The following NBPF3 variants were observed in gnomAD, a reference collection of about 807,000 sequenced individuals.
The protein encoded by NBPF3 is NBPF member 3, also known as NBPF family member NBPF3.
A neutral mutation model predicts 78.1 loss-of-function variants in NBPF3; 57 were observed. The observed-to-expected ratio is 0.73, with a 90% confidence interval of 0.59 to 0.91. NBPF3 has a LOEUF of 0.91. NBPF3 is among the 40% of genes least tolerant of loss of function. The pLI is 0.00. For missense variants in NBPF3, 510 were observed against 715.3 expected (o/e 0.71, Z 3.27); for synonymous variants, 182 against 271.7 (o/e 0.67, Z 3.25).
chr1:21,445,067 T>C lies in NBPF3; in HGVS notation c.-20T>C. ...TATCTGGAGCTTCAGTGCTGTGTGCTCTTGGCCTCCACACTGGGGATGCCA... is the reference window on the plus strand; with the variant it reads ...TATCTGGAGCTTCAGTGCTGTGTGCCCTTGGCCTCCACACTGGGGATGCCA... On this transcript the variant is annotated 5_prime_UTR_variant, in exon 2 of 15. Transcript: ENST00000318249. 1 of 1,608,504 alleles carries C rather than the reference T, an allele frequency of 6.2e-7. No individual in the cohort carries two copies. The highest frequency in any genetic ancestry group is 8.5e-7 in the Non-Finnish European group (1 of 1,177,534).
At chr1:21,450,737 C>G (rs1641260677) in intron 2 of NBPF3, among the ~76,000 whole-genome samples, 1 of 39,608 alleles carries the variant, frequency 2.5e-5, no homozygotes, top group Non-Finnish European at 1.6e-4. Context: ...CTAAAACATC[C>G]ACACCAGGTG....
At chr1:21,464,337 T>C (rs1345856004) in intron 2 of NBPF3, among the ~76,000 whole-genome samples, 1 of 152,056 alleles carries the variant, frequency 6.6e-6, no homozygotes, top group African/African-American at 2.4e-5. Context: ...TTGAGAACAA[T>C]ATTCTAAGAA....
Position 21,470,699 on chromosome 1 carries a change from G to C in NBPF3, c.411G>C (p.Lys137Asn), listed in dbSNP as rs2147987411. ...LRDERLLTEE[K>N]LAEELGQAEE... ...ATGAGCGGCTGCTCACAGAAGAGAA[G>C]CTTGCAGAGGAGCTCGGGCAAGCTG... Residue 137 changes from lysine (K) to asparagine (N), a missense_variant, in exon 4 of 15, where the codon AAG becomes AAC. Around this residue, in one of 5 missense-constraint regions of NBPF3, gnomAD observed 440 missense variants for 478.2 expected, o/e 0.92. Transcript: ENST00000318249. 1 of 1,600,688 alleles carries C rather than the reference G, an allele frequency of 6.2e-7. No homozygotes were observed. The highest frequency in any genetic ancestry group is 2.3e-5 in the East Asian group (1 of 44,226).
intron 3 of NBPF3, 129 bp from the exon 4 acceptor site, chr1:21,470,503 A>G: frequency 3.3e-6 from 2 of 612,456 alleles, no homozygotes; most frequent in Admixed American, 5.5e-5. Flanking sequence ...AGATGTGGAA[A>G]TCCCTACGTA....
chr1:21,458,227 A>G (rs1376311217), intron 2 of NBPF3, among the ~76,000 whole-genome samples: 2 of 152,136 alleles, frequency 1.3e-5, no homozygotes, highest in South Asian at 2.1e-4. Context: ...CAGACCCCCA[A>G]TAAAACTTGT....
Position 21,483,160 on chromosome 1 carries a change from T to C in NBPF3, c.1676T>C (p.Met559Thr). ...TTTTCCAGGCTCAACGAGGTGCTGA[T>C]GGAAGCAGAAGAGCCTGAAGTCTTG... ...PPCPRLNEVL[M>T]EAEEPEVLQD... The change falls in exon 15 of 15, where the codon ATG becomes ACG. Residue 559 changes from methionine to threonine, a missense_variant. Transcript: ENST00000318249. 1 of 1,610,956 alleles carries C rather than the reference T, an allele frequency of 6.2e-7. No homozygotes were observed. Among genetic ancestry groups the C allele is most frequent in the South Asian group, 1.1e-5 (1 of 90,856 alleles).
intron 2 of NBPF3, among the ~76,000 whole-genome samples, chr1:21,459,418 T>A (rs1337588021): frequency 6.6e-6 from 1 of 152,202 alleles, no homozygotes; most frequent in East Asian, 1.9e-4. Flanking sequence ...TATGTAGTTA[T>A]TTATTTTAGT....
rs367759392 is a variant in NBPF3 at position 21,470,751 on chromosome 1, G to A, written c.446+17G>A. The A allele has an allele frequency of 1.9e-5, 30 of 1,558,086 alleles. No homozygotes were observed. Among genetic ancestry groups the A allele is most frequent in the Admixed American group, 5.1e-5 (3 of 59,046 alleles). The stretch of plus-strand genomic sequence containing the variant: ...GGAGCTCAGGTGAGTGGGCCCCCTG[G>A]GGTCAGGCAGGTGGGCAGGTGTGTA... On this transcript the variant is annotated intron_variant, in intron 4 of 14. Coordinates refer to ENST00000318249, the MANE Select transcript of NBPF3 (RefSeq NM_032264.6).
At chr1:21,480,623 G>A (rs565548363) in intron 11 of NBPF3, among the ~76,000 whole-genome samples, 1 of 152,428 alleles carries the variant, frequency 6.6e-6, no homozygotes, top group Non-Finnish European at 1.5e-5. Flanking sequence ...TTTCCTCCTA[G>A]AAATCATCTG....
At chr1:21,474,454 T>A (rs1384498270) in intron 7 of NBPF3, among the ~76,000 whole-genome samples, 1 of 152,230 alleles carries the variant, frequency 6.6e-6, no homozygotes, top group African/African-American at 2.4e-5. Flanking sequence ...TTCACCTTCC[T>A]TGACCTCCCA....
At chr1:21,471,903 C>G in intron 5 of NBPF3, 120 bp downstream of exon 5, 2 of 1,367,082 alleles carry the variant, frequency 1.5e-6, no homozygotes, top group Non-Finnish European at 2.1e-6. Flanking sequence ...CGTATGTGGC[C>G]GTGACATAAG....
chr1:21,461,745 G>A (rs1641962615), intron 2 of NBPF3, among the ~76,000 whole-genome samples: 1 of 152,208 alleles, frequency 6.6e-6, no homozygotes, highest in South Asian at 2.1e-4. Flanking sequence ...TTACAGGCAT[G>A]AGCCACCAGG....
intron 6 of NBPF3, 79 bp from the exon 7 acceptor site, chr1:21,473,301 C>G (rs1370879934): frequency 6.6e-7 from 1 of 1,520,532 alleles, no homozygotes; most frequent in East Asian, 2.2e-5. Flanking sequence ...TGCCTCCTGT[C>G]GAAACCAGCT....
At chr1:21,459,683 A>G (rs4654749) in intron 2 of NBPF3, 373,635 of 376,342 alleles carry the variant, frequency 0.99, 185,531 homozygotes, top group East Asian at 1. Flanking sequence ...AACGCTGAAG[A>G]TGGGAGGCCA....
At chr1:21,456,465 T>C (rs1230840854) in intron 2 of NBPF3, among the ~76,000 whole-genome samples, 2 of 152,166 alleles carry the variant, frequency 1.3e-5, no homozygotes, top group Non-Finnish European at 2.9e-5. Context: ...TGCATCTCAA[T>C]TGCATGTAAG....
chr1:21,480,162 C>T lies in NBPF3; in HGVS notation c.1320C>T (p.Pro440=). The T allele has an allele frequency of 8.3e-7, 1 of 1,211,954 alleles. No homozygotes were observed. The allele number at this position is 1,211,954 out of a possible 1,614,324, so 75.1% of individuals were successfully genotyped here. A position where few individuals can be genotyped will look rare whatever the true frequency, so the allele number is the denominator to read the frequency against. ...TGGAACTGCCTGACTTATGCCAGCC[C>T]TACAGAAGTGACTTTTACTCATTGC... ...EYLELPDLCQ[P]YRSDFYSLQE... is the part of the protein sequence containing the mutation. The change falls in exon 11 of 15, where the codon CCC becomes CCT. Residue 440 remains proline (P), a synonymous_variant. Transcript: ENST00000318249.
intron 1 of NBPF3, among the ~76,000 whole-genome samples, chr1:21,444,398 T>G (rs952717881): frequency 1.3e-5 from 2 of 152,244 alleles, no homozygotes; most frequent in Non-Finnish European, 2.9e-5. Flanking sequence ...ATAGACCAGC[T>G]AGACCAGTAG....
chr1:21,437,172 G>T (rs1359994048), upstream of NBPF3, among the ~76,000 whole-genome samples: 1 of 152,084 alleles, frequency 6.6e-6, no homozygotes, highest in African/African-American at 2.4e-5. Context: ...GGAAATCAGA[G>T]CTTGGGAACT....
At chr1:21,462,804 A>C (rs1402480031) in intron 2 of NBPF3, among the ~76,000 whole-genome samples, 1 of 152,196 alleles carries the variant, frequency 6.6e-6, no homozygotes, top group Non-Finnish European at 1.5e-5. Flanking sequence ...TTTGTGACCT[A>C]GGGAAATTTT....
Sources: allele counts gnomAD v4.1 joint callset (sites outside exome capture counted in the v4.1 genomes callset), GRCh38; gene constraint gnomAD v4.1.1; regional missense constraint gnomAD v4.1.1; transcripts MANE v1.5; gene names NCBI Gene and HGNC (gene_info 2026-07-23, HGNC 2026-07-21).